Variants in SV2B observed in about 807,000 individuals in gnomAD.
SV2B encodes the protein synaptic vesicle glycoprotein 2B, also known as solute carrier family 22 member B2.
SV2B carries 41 observed loss-of-function variants against 73.9 expected under a neutral mutation model. The ratio of observed to expected loss-of-function variants is 0.56; its 90% confidence interval spans 0.43 to 0.72. The LOEUF (loss-of-function observed/expected upper bound fraction) is 0.72. SV2B is among the 30% of genes least tolerant of loss of function. The probability of loss-of-function intolerance (pLI) is 0.00; values close to 1 mark genes in which losing one functional copy is unlikely to be tolerated. For synonymous variants in SV2B, 314 were observed against 314.2 expected (o/e 1.00, Z 0.01); for missense variants, 764 against 857.8 (o/e 0.89, Z 1.37).
chr15:91,278,712 A>G (rs1449144964), intron 9 of SV2B, among the ~76,000 whole-genome samples: 1 of 150,474 alleles, frequency 6.6e-6, no homozygotes, highest in Non-Finnish European at 1.5e-5. Context: ...AGTTACACAG[A>G]TATTCAGGCA....
chr15:91,155,854 T>A (rs2043473140), intron 1 of SV2B, among the ~76,000 whole-genome samples: 1 of 152,108 alleles, frequency 6.6e-6, no homozygotes, highest in Admixed American at 6.6e-5. Context: ...GGTAGATAGT[T>A]GTCTGGACTC....
chr15:91,144,806 C>T (rs1332441967), intron 1 of SV2B, among the ~76,000 whole-genome samples: 2 of 151,836 alleles, frequency 1.3e-5, no homozygotes, highest in East Asian at 1.9e-4. Flanking sequence ...TAGGAGGGCT[C>T]TATAATTAAC....
At chr15:91,246,588 T>A (rs2047234749) in intron 2 of SV2B, among the ~76,000 whole-genome samples, 1 of 152,196 alleles carries the variant, frequency 6.6e-6, no homozygotes, top group African/African-American at 2.4e-5. Context: ...AGAACTGGGC[T>A]CTTTCTTGCA....
At chr15:91,183,622 C>G (rs372445573) in intron 1 of SV2B, among the ~76,000 whole-genome samples, 74 of 152,314 alleles carry the variant, frequency 4.9e-4, no homozygotes, top group African/African-American at 1.7e-3. Context: ...TCCCCATAGC[C>G]TAAGTTCCCC....
chr15:91,222,391 T>C (rs1270504517), intron 1 of SV2B, among the ~76,000 whole-genome samples: 1 of 152,232 alleles, frequency 6.6e-6, no homozygotes, highest in East Asian at 1.9e-4. Flanking sequence ...GATACTATTA[T>C]TAATAATCAA....
Position 91,234,278 on chromosome 15 carries a change from G to A in SV2B, c.451+7564G>A, listed in dbSNP as rs1205025983. The stretch of plus-strand genomic sequence containing the variant: ...CACATCTTTTACCATGACTATGTGA[G>A]TTTTTTGAGGGGATCCTCAGTGTTC... On this transcript the variant is annotated intron_variant, in intron 2 of 12. Transcript: ENST00000394232. The surrounding 1 kb of genome is among the most constrained non-coding windows in gnomAD (Gnocchi z 5.6). Among the ~76,000 whole-genome samples, 1 of 152,230 alleles carries A rather than the reference G, an allele frequency of 6.6e-6. No individual in the cohort carries two copies. Among genetic ancestry groups the A allele is most frequent in the Non-Finnish European group, 1.5e-5 (1 of 68,044 alleles).
At chr15:91,109,985 A>G (rs1225405364) in intron 1 of SV2B, among the ~76,000 whole-genome samples, 1 of 152,140 alleles carries the variant, frequency 6.6e-6, no homozygotes, top group African/African-American at 2.4e-5. Context: ...TTGGCCTCCC[A>G]AAGTGCTGGG....
At chr15:91,117,120 T>C (rs1192637328) in intron 1 of SV2B, among the ~76,000 whole-genome samples, 1 of 152,216 alleles carries the variant, frequency 6.6e-6, no homozygotes, top group Non-Finnish European at 1.5e-5. Flanking sequence ...GTATGCAGAC[T>C]TAGAAGAGCA....
intron 12 of SV2B, among the ~76,000 whole-genome samples, chr15:91,291,882 A>G (rs1163712809): frequency 6.6e-6 from 1 of 152,226 alleles, no homozygotes; most frequent in East Asian, 1.9e-4. Flanking sequence ...AAACTAAGTC[A>G]CATGGCCATG....
chr15:91,192,013 CAG>C (rs2045054426), intron 1 of SV2B, among the ~76,000 whole-genome samples: 1 of 151,824 alleles, frequency 6.6e-6, no homozygotes, highest in Admixed American at 6.5e-5. Context: ...GATCTTCCAC[CAG>C]AGTGAATATA....
intron 1 of SV2B, among the ~76,000 whole-genome samples, chr15:91,182,866 A>G (rs1355760007): frequency 6.6e-6 from 1 of 152,224 alleles, no homozygotes; most frequent in Non-Finnish European, 1.5e-5. Flanking sequence ...GTAGATGTAC[A>G]CACAACTGCC....
chr15:91,160,094 T>C (rs2043657553), intron 1 of SV2B, among the ~76,000 whole-genome samples: 1 of 152,196 alleles, frequency 6.6e-6, no homozygotes, highest in Non-Finnish European at 1.5e-5. Context: ...GGACGTGCCA[T>C]GTTCCTGGAT....
chr15:91,144,095 T>G (rs1159502514), intron 1 of SV2B, among the ~76,000 whole-genome samples: 1 of 152,246 alleles, frequency 6.6e-6, no homozygotes, highest in Non-Finnish European at 1.5e-5. Context: ...TGGAAAATGT[T>G]ATTTACTCTA....
intron 2 of SV2B, among the ~76,000 whole-genome samples, chr15:91,237,387 C>T (rs1026528139): frequency 1.3e-5 from 2 of 152,184 alleles, no homozygotes; most frequent in Admixed American, 6.5e-5. Flanking sequence ...GAAACGTCTC[C>T]AGGTATTGCT....
chr15:91,290,257 C>A lies in SV2B; in HGVS notation c.1868+577C>A, dbSNP rs2048997624. 6.6e-6 allele frequency among the ~76,000 whole-genome samples: 1 copy of A among 151,906 alleles called. No homozygotes were observed. The highest frequency in any genetic ancestry group is 2.1e-4 in the South Asian group (1 of 4,806). ...AAGTTTAAAGGAGAAGATAAGAGGC[C>A]CTGTGGTCAAAAAGGAATGTGAAGA... On this transcript the variant is annotated intron_variant, in intron 12 of 12. Transcript: ENST00000394232. The surrounding 1 kb of genome is among the most constrained non-coding windows in gnomAD (Gnocchi z 4.7).
At chr15:91,185,999 C>T (rs935928295) in intron 1 of SV2B, among the ~76,000 whole-genome samples, 2 of 152,208 alleles carry the variant, frequency 1.3e-5, no homozygotes, top group African/African-American at 2.4e-5. Context: ...GTCCCCCAGA[C>T]CCCTGCTTCT....
chr15:91,237,381 C>T lies in SV2B; in HGVS notation c.451+10667C>T, dbSNP rs149237573. 4.4e-3 allele frequency among the ~76,000 whole-genome samples: 671 copies of T among 152,296 alleles called. 5 individuals carry two copies. The highest frequency in any genetic ancestry group is 0.015 in the African/African-American group (636 of 41,558). On this transcript the variant is annotated intron_variant, in intron 2 of 12. Coordinates refer to ENST00000394232, the MANE Select transcript of SV2B (RefSeq NM_001323032.3). Reference sequence around the variant, plus strand: ...TGCTCCCAGTTGTGACAACCAGAAACGTCTCCAGGTATTGCTAAATGTCCC... The same window carrying T: ...TGCTCCCAGTTGTGACAACCAGAAATGTCTCCAGGTATTGCTAAATGTCCC...
At chr15:91,198,823 G>T (rs1443793073) in intron 1 of SV2B, among the ~76,000 whole-genome samples, 3 of 152,172 alleles carry the variant, frequency 2.0e-5, no homozygotes, top group Non-Finnish European at 4.4e-5. Context: ...TCCTGTTGCT[G>T]TATGCATGCA....
At chr15:91,108,647 G>A (rs1036575310) in intron 1 of SV2B, among the ~76,000 whole-genome samples, 4 of 152,166 alleles carry the variant, frequency 2.6e-5, no homozygotes, top group African/African-American at 9.7e-5. Flanking sequence ...CTAAGTCTCT[G>A]GCAGGTACTC....
Sources: allele counts gnomAD v4.1 joint callset (sites outside exome capture counted in the v4.1 genomes callset), GRCh38; gene constraint gnomAD v4.1.1; non-coding constraint Gnocchi (gnomAD v3.1); transcripts MANE v1.5; gene names NCBI Gene and HGNC (gene_info 2026-07-23, HGNC 2026-07-21).